SLC38A9: variants seen among roughly 807,000 people sequenced by gnomAD.
SLC38A9 encodes solute carrier family 38 member 9, also known as neutral amino acid transporter 9.
A neutral mutation model predicts 62.3 loss-of-function variants in SLC38A9; 48 were observed. The observed-to-expected ratio is 0.77, with a 90% CI of 0.61 to 0.98. SLC38A9 has a LOEUF of 0.98. SLC38A9 is among the 50% of genes least tolerant of loss of function. SLC38A9 has a pLI of 0.00. For synonymous variants in SLC38A9, 204 were observed against 227.7 expected, an observed-to-expected ratio of 0.90 and a Z score of 0.94; for missense variants, 541 against 679.8, an observed-to-expected ratio of 0.80 and a Z score of 2.27.
chr5:55,693,990 CAG>C (rs1755078543), intron 3 of SLC38A9: 1 of 153,750 alleles, frequency 6.5e-6, no homozygotes, highest in Admixed American at 6.5e-5. Flanking sequence ...TGCTTGAGCC[CAG>C]GAGTTCAAGA....
intron 2 of SLC38A9, 45 bp from the exon 3 acceptor site, chr5:55,698,037 T>C: frequency 1.4e-6 from 1 of 710,266 alleles, no homozygotes; most frequent in Non-Finnish European, 2.3e-6. Context: ...TAAAATATTT[T>C]ATTATCCATC....
chr5:55,654,077 TC>T (rs141231073), intron 9 of SLC38A9, among the ~76,000 whole-genome samples: 5,956 of 152,320 alleles, frequency 0.039, 155 homozygotes, highest in African/African-American at 0.082. Context: ...AATCAGCTTT[TC>T]GTAAAGAACT....
At position 55,712,212 on chromosome 5, in the gene SLC38A9, T is replaced by C. The variant is rs753507763; in HGVS notation, c.-83+5A>G. On this transcript the variant is annotated splice_donor_5th_base_variant and intron_variant, in intron 1 of 15. Coordinates refer to ENST00000396865, the MANE Select transcript of SLC38A9 (RefSeq NM_173514.4). Reference sequence around the variant, plus strand: ...GAGTTTGCTAGACGTGGGAACGTGATCTACCTGAGCAGGCCGAGCCTTCAA... The same window carrying C: ...GAGTTTGCTAGACGTGGGAACGTGACCTACCTGAGCAGGCCGAGCCTTCAA... 7 of 152,426 alleles carry C rather than the reference T, an allele frequency of 4.6e-5. No homozygotes were observed. The highest frequency in any genetic ancestry group is 7.3e-5 in the Non-Finnish European group (5 of 68,056). The allele number at this position is 152,426 out of a possible 1,614,324, so 9.4% of individuals were successfully genotyped here.
chr5:55,642,386 T>C (rs1419860624), intron 12 of SLC38A9, among the ~76,000 whole-genome samples: 1 of 152,184 alleles, frequency 6.6e-6, no homozygotes, highest in East Asian at 1.9e-4. Flanking sequence ...ATGAGCATGA[T>C]AAAAATATGT....
intron 2 of SLC38A9, among the ~76,000 whole-genome samples, chr5:55,702,560 C>A (rs1756806147): frequency 6.6e-6 from 1 of 152,000 alleles, no homozygotes; most frequent in African/African-American, 2.4e-5. Context: ...TGTCTGACCT[C>A]ATTTAGTACT....
At chr5:55,648,254 G>C (rs977563775) in intron 11 of SLC38A9, among the ~76,000 whole-genome samples, 1 of 152,002 alleles carries the variant, frequency 6.6e-6, no homozygotes, top group African/African-American at 2.4e-5. Flanking sequence ...AAAAAAGAAA[G>C]ATATACCACA....
At chr5:55,641,984 C>A (rs988867797) in intron 12 of SLC38A9, among the ~76,000 whole-genome samples, 2 of 152,172 alleles carry the variant, frequency 1.3e-5, no homozygotes, top group Admixed American at 6.5e-5. Context: ...ATGTAAGAAC[C>A]ATGCAACATG....
intron 12 of SLC38A9, among the ~76,000 whole-genome samples, chr5:55,642,874 C>T (rs1177908410): frequency 6.6e-6 from 1 of 152,188 alleles, no homozygotes; most frequent in East Asian, 1.9e-4. Flanking sequence ...TATATTTTTG[C>T]TCTAGAGAGC....
chr5:55,632,459 AC>A (rs1743648327), intron 14 of SLC38A9, among the ~76,000 whole-genome samples: 1 of 151,152 alleles, frequency 6.6e-6, no homozygotes, highest in African/African-American at 2.5e-5. Flanking sequence ...ACAAACAACA[AC>A]AACAACAAAA....
chr5:55,672,689 G>C lies in SLC38A9; in HGVS notation c.120C>G (p.Phe40Leu). 6.2e-7 allele frequency: 1 copy of C among 1,613,304 alleles called. No homozygotes were observed. Among genetic ancestry groups the C allele is most frequent in the Non-Finnish European group, 8.5e-7 (1 of 1,179,880 alleles). ...TCACGATGTTTGTGGGCTCTATACA[G>C]AAAGGCCTACAAAGGGAATATACAC... ...EPSDLRSKRP[F>L]CIEPTNIVNV... The change falls in exon 4 of 16, where the codon TTC becomes TTG. Residue 40 changes from phenylalanine (F) to leucine (L), a missense_variant. Coordinates refer to ENST00000396865, the MANE Select transcript of SLC38A9 (RefSeq NM_173514.4).
In SLC38A9 at chr5:55,633,798, A is replaced by G. The variant is rs760002767; in HGVS notation, c.1386T>C (p.Ala462=). The change falls in exon 14 of 16, where the codon GCT becomes GCC. Residue 462 remains alanine (A), a synonymous_variant. Coordinates refer to ENST00000396865, the MANE Select transcript of SLC38A9 (RefSeq NM_173514.4). ...AGATATGGCCCAAAAGCTGGACACG[A>G]GCCAGGTAGCCTAAGAGTGGGTATA... is the stretch of plus-strand genomic sequence containing the variant. ...MTVYPLLGYL[A]RVQLLGHIFG... The G allele has an allele frequency of 6.2e-7, 1 of 1,614,210 alleles. No individual in the cohort carries two copies. Among genetic ancestry groups the G allele is most frequent in the Non-Finnish European group, 8.5e-7 (1 of 1,180,032 alleles).
intron 12 of SLC38A9, among the ~76,000 whole-genome samples, chr5:55,639,089 G>A (rs113739210): frequency 0.048 from 7,345 of 151,734 alleles, 300 homozygotes; most frequent in African/African-American, 0.11. Flanking sequence ...AGGCCGAGGC[G>A]GGCGGATCAC....
intron 12 of SLC38A9, among the ~76,000 whole-genome samples, chr5:55,645,376 C>T (rs1475303160): frequency 1.3e-5 from 2 of 152,276 alleles, no homozygotes; most frequent in African/African-American, 2.4e-5. Flanking sequence ...GATTTTACCA[C>T]CATTAATGGC....
At chr5:55,670,540 T>C (rs3887061) in intron 4 of SLC38A9, among the ~76,000 whole-genome samples, 91,023 of 152,050 alleles carry the variant, frequency 0.6, 27,842 homozygotes, top group South Asian at 0.7. Flanking sequence ...AAAACGAGTG[T>C]GGATGTATAC....
At chr5:55,701,890 G>A (rs1756695498) in intron 2 of SLC38A9, among the ~76,000 whole-genome samples, 1 of 152,156 alleles carries the variant, frequency 6.6e-6, no homozygotes. Flanking sequence ...TAAATCCAGA[G>A]CCTGTTCTCT....
At chr5:55,643,412 A>G (rs955928751) in intron 12 of SLC38A9, among the ~76,000 whole-genome samples, 12 of 152,188 alleles carry the variant, frequency 7.9e-5, no homozygotes, top group African/African-American at 2.4e-4. Flanking sequence ...TATGATTTAA[A>G]TCCTTTCAAA....
intron 8 of SLC38A9, among the ~76,000 whole-genome samples, chr5:55,659,967 C>A (rs1206029477): frequency 6.6e-6 from 1 of 150,690 alleles, no homozygotes; most frequent in Admixed American, 6.6e-5. Context: ...AGGGTTTCAC[C>A]GTGTTCGCCA....
intron 9 of SLC38A9, among the ~76,000 whole-genome samples, chr5:55,655,109 G>T (rs2150211378): frequency 6.6e-6 from 1 of 152,282 alleles, no homozygotes. Context: ...CAAAGTGTTA[G>T]AATCAAAAGC....
intron 12 of SLC38A9, among the ~76,000 whole-genome samples, chr5:55,644,089 T>A (rs1441204094): frequency 6.6e-6 from 1 of 152,040 alleles, no homozygotes; most frequent in Non-Finnish European, 1.5e-5. Context: ...GCCTCCTGAG[T>A]AGCTGGGATG....
Sources: gnomAD v4.1 joint callset for allele counts (sites outside exome capture counted in the v4.1 genomes callset) on GRCh38, gnomAD v4.1.1 for gene constraint, MANE v1.5 for transcripts, NCBI Gene and HGNC (gene_info 2026-07-23, HGNC 2026-07-21) for gene names.